Variants in NPEPPS observed in about 807,000 individuals in gnomAD.
The protein encoded by NPEPPS is puromycin-sensitive aminopeptidase.
A neutral mutation model predicts 115.5 loss-of-function variants in NPEPPS; 14 were observed. The observed-to-expected ratio is 0.12, with a 90% confidence interval of 0.08 to 0.19. NPEPPS has a LOEUF of 0.19. NPEPPS is among the 10% of genes least tolerant of loss of function. The probability of loss-of-function intolerance (pLI) is 1.00; values close to 1 mark genes in which losing one functional copy is unlikely to be tolerated. For missense variants in NPEPPS, 523 were observed against 1,110.8 expected (o/e 0.47, Z 7.52); for synonymous variants, 285 against 390.6 (o/e 0.73, Z 3.19).
intron 4 of NPEPPS, chr17:47,580,490 C>T (rs1266340028): frequency 6.6e-6 from 1 of 152,000 alleles, no homozygotes; most frequent in Non-Finnish European, 1.5e-5. Context: ...TTATACATGA[C>T]CAGATTTACT....
intron 9 of NPEPPS, among the ~76,000 whole-genome samples, chr17:47,590,463 A>G (rs972454135): frequency 6.6e-6 from 1 of 151,974 alleles, no homozygotes; most frequent in Non-Finnish European, 1.5e-5. Flanking sequence ...TCTCAAAAAA[A>G]AAAAAAAGAA....
In NPEPPS at chr17:47,562,632, G is replaced by A. The variant is rs1555606470; in HGVS notation, c.341-6785G>A. 1.8e-3 allele frequency among the ~76,000 whole-genome samples: 252 copies of A among 143,008 alleles called. 1 individual carries two copies. The highest frequency in any genetic ancestry group is 6.9e-3 in the South Asian group (30 of 4,354). 93.8% of individuals were successfully genotyped at this position (143,008 alleles called of 152,430 possible). On this transcript the variant is annotated intron_variant, in intron 2 of 22. Coordinates refer to ENST00000322157, the MANE Select transcript of NPEPPS (RefSeq NM_006310.4). ...AGTGTGTGTGTGTGTGTGTGTGTGT[G>A]TATATGTGTGTGTTTGTAGAGGGCT...
At chr17:47,551,225 G>A (rs1299274361) in intron 2 of NPEPPS, among the ~76,000 whole-genome samples, 1 of 151,906 alleles carries the variant, frequency 6.6e-6, no homozygotes, top group Non-Finnish European at 1.5e-5. Context: ...TGGGCTAAAA[G>A]CAGATACCTT....
intron 1 of NPEPPS, among the ~76,000 whole-genome samples, chr17:47,536,386 C>CTTTT (rs1204179908): frequency 2.4e-5 from 3 of 126,630 alleles, no homozygotes; most frequent in Non-Finnish European, 3.3e-5. Context: ...CATATTTTCT[C>CTTTT]TCTTTTTTTT....
At chr17:47,601,578 G>A in intron 14 of NPEPPS, 30 bp from the exon 15 acceptor site, 2 of 1,612,432 alleles carry the variant, frequency 1.2e-6, no homozygotes, top group South Asian at 1.1e-5. Context: ...TTGTCCCAGT[G>A]CAAAATTTGT....
chr17:47,615,699 C>T lies in NPEPPS; in HGVS notation c.2295+1974C>T, dbSNP rs546364305. ...ATATTTGATTTTTTTCCATCTATTC[C>T]ATGATGATATGGAAAAAAATAGGGG... On this transcript the variant is annotated intron_variant, in intron 19 of 22. Coordinates refer to ENST00000322157, the MANE Select transcript of NPEPPS (RefSeq NM_006310.4). Among the ~76,000 whole-genome samples, 191 of 152,168 alleles carry T rather than the reference C, an allele frequency of 1.3e-3. 1 individual carries two copies. Among genetic ancestry groups the T allele is most frequent in the African/African-American group, 4.1e-3 (171 of 41,496 alleles).
At chr17:47,573,424 A>G (rs907341950) in intron 3 of NPEPPS, among the ~76,000 whole-genome samples, 2 of 152,248 alleles carry the variant, frequency 1.3e-5, no homozygotes, top group African/African-American at 4.8e-5. Context: ...GCTTAACCCA[A>G]CTTTGAATTT....
chr17:47,605,886 T>A (rs772013592), intron 17 of NPEPPS, among the ~76,000 whole-genome samples: 6 of 152,198 alleles, frequency 3.9e-5, no homozygotes, highest in South Asian at 4.1e-4. Context: ...TTATTTATTT[T>A]ATTTTTTTGA....
At chr17:47,611,225 C>A (rs563036729) in intron 17 of NPEPPS, among the ~76,000 whole-genome samples, 1 of 151,406 alleles carries the variant, frequency 6.6e-6, no homozygotes, top group Non-Finnish European at 1.5e-5. Context: ...TGTGGCAGGC[C>A]GAGGCAGGTG....
intron 5 of NPEPPS, among the ~76,000 whole-genome samples, chr17:47,583,462 G>C: frequency 6.6e-6 from 1 of 151,988 alleles, no homozygotes; most frequent in Non-Finnish European, 1.5e-5. Context: ...GCACACACCT[G>C]TAGTCCCAGC....
intron 1 of NPEPPS, among the ~76,000 whole-genome samples, chr17:47,535,510 C>T (rs1671923474): frequency 6.8e-6 from 1 of 147,148 alleles, no homozygotes; most frequent in Non-Finnish European, 1.5e-5. Context: ...GAGATCGCGC[C>T]ACGCACTCCA....
intron 3 of NPEPPS, among the ~76,000 whole-genome samples, chr17:47,573,554 A>G (rs1321234679): frequency 1.3e-5 from 2 of 152,176 alleles, no homozygotes; most frequent in Non-Finnish European, 2.9e-5. Flanking sequence ...GAAAATGTCT[A>G]AAGTTGAAAA....
chr17:47,531,875 G>A (rs1211674867), intron 1 of NPEPPS, among the ~76,000 whole-genome samples: 5 of 152,144 alleles, frequency 3.3e-5, no homozygotes, highest in East Asian at 3.9e-4. Context: ...TTTCCCCCCC[G>A]CCCCGGACCC....
In NPEPPS at chr17:47,605,940, C is replaced by T. The variant is rs555025847; in HGVS notation, c.2095+388C>T. On this transcript the variant is annotated intron_variant, in intron 17 of 22. Transcript: ENST00000322157. ...TTGCCTAGGCTGGAGTGCAATGGCG[C>T]GATCTCGGCTCACCGCAACCTCCGC... is the stretch of plus-strand genomic sequence containing the variant. Among the ~76,000 whole-genome samples the T allele has an allele frequency of 1.6e-3, 250 of 152,190 alleles. 1 individual carries two copies. The highest frequency in any genetic ancestry group is 2.8e-3 in the Admixed American group (43 of 15,282).
chr17:47,602,197 A>G (rs1913240646), intron 15 of NPEPPS, among the ~76,000 whole-genome samples: 1 of 152,194 alleles, frequency 6.6e-6, no homozygotes, highest in Non-Finnish European at 1.5e-5. Flanking sequence ...TTTCACAAAA[A>G]TACCAATAGG....
chr17:47,533,240 A>G (rs1407779308), intron 1 of NPEPPS, among the ~76,000 whole-genome samples: 3 of 152,170 alleles, frequency 2.0e-5, no homozygotes, highest in Non-Finnish European at 2.9e-5. Context: ...GGCAGCATCA[A>G]AAGGCAGAAC....
intron 2 of NPEPPS, among the ~76,000 whole-genome samples, chr17:47,558,459 T>C (rs1444351423): frequency 6.6e-6 from 1 of 151,596 alleles, no homozygotes; most frequent in African/African-American, 2.4e-5. Context: ...AGACGGAGTC[T>C]CGCTCTGTCA....
At chr17:47,524,648 C>A (rs1330702391) in intron 1 of NPEPPS, among the ~76,000 whole-genome samples, 4 of 138,578 alleles carry the variant, frequency 2.9e-5, no homozygotes, top group African/African-American at 1.1e-4. Context: ...GCACCTGCCA[C>A]CACGCCTGGC....
At chr17:47,565,153 T>G (rs1430966136) in intron 2 of NPEPPS, among the ~76,000 whole-genome samples, 1 of 152,174 alleles carries the variant, frequency 6.6e-6, no homozygotes, top group African/African-American at 2.4e-5. Flanking sequence ...TGATAAGTGC[T>G]GTAAAATCAC....
Sources: allele counts gnomAD v4.1 joint callset (sites outside exome capture counted in the v4.1 genomes callset), GRCh38; gene constraint gnomAD v4.1.1; transcripts MANE v1.5; gene names NCBI Gene and HGNC (gene_info 2026-07-23, HGNC 2026-07-21).